ROR2: variants seen among roughly 807,000 people sequenced by gnomAD.
ROR2 encodes tyrosine-protein kinase transmembrane receptor ROR2.
ROR2 carries 33 observed loss-of-function variants against 74.9 expected under a neutral mutation model. That is an observed-to-expected ratio of 0.44 (90% CI 0.33 to 0.59). The LOEUF is 0.59. Among genes scored for constraint, ROR2 ranks in the 20% least tolerant of loss-of-function variants. ROR2 has a pLI of 0.02. For missense variants in ROR2, 1,216 were observed against 1,313.8 expected, an observed-to-expected ratio of 0.93 and a Z score of 1.15; for synonymous variants, 586 against 558.7, an observed-to-expected ratio of 1.05 and a Z score of -0.69.
At chr9:91,745,850 G>A (rs767482179) in intron 4 of ROR2, among the ~76,000 whole-genome samples, 1 of 152,056 alleles carries the variant, frequency 6.6e-6, no homozygotes, top group African/African-American at 2.4e-5. Flanking sequence ...TTCCGGTTCT[G>A]TACTATGGGA....
intron 1 of ROR2, among the ~76,000 whole-genome samples, chr9:91,808,830 A>T (rs1033930465): frequency 1.1e-4 from 17 of 151,108 alleles, no homozygotes; most frequent in African/African-American, 2.9e-4. Flanking sequence ...AAATATAAAA[A>T]ATATATACTA....
chr9:91,899,931 CACCAGGAA>C (rs1445737192), intron 1 of ROR2, among the ~76,000 whole-genome samples: 13 of 152,142 alleles, frequency 8.5e-5, no homozygotes, highest in African/African-American at 3.1e-4. Context: ...CACATACATC[CACCAGGAA>C]ACTAGGAATA....
intron 2 of ROR2, among the ~76,000 whole-genome samples, chr9:91,762,370 G>A (rs1445001774): frequency 6.6e-6 from 1 of 151,750 alleles, no homozygotes; most frequent in East Asian, 1.9e-4. Flanking sequence ...TTTCCACATA[G>A]ATACCATCTT....
chr9:91,747,530 C>T (rs796304307), intron 4 of ROR2, among the ~76,000 whole-genome samples: 6 of 152,360 alleles, frequency 3.9e-5, no homozygotes, highest in African/African-American at 1.2e-4. Flanking sequence ...CGCTGTTCAA[C>T]TCTCCATTTA....
Position 91,757,626 on chromosome 9 carries a change from G to C in ROR2, c.176-67C>G. The C allele has an allele frequency of 1.9e-6, 3 of 1,556,220 alleles. No individual in the cohort carries two copies. In the South Asian group the frequency reaches 3.5e-5, roughly 18 times the overall value. On this transcript the variant is annotated intron_variant, in intron 2 of 8. Transcript: ENST00000375708. ...GGCTGGAAGGAAGGGCTACCTGGGG[G>C]CTCTGCTATGAACTCTTCCAAGGGA...
chr9:91,848,388 T>A (rs1357273371), intron 1 of ROR2, among the ~76,000 whole-genome samples: 2 of 152,226 alleles, frequency 1.3e-5, no homozygotes, highest in African/African-American at 4.8e-5. Flanking sequence ...GGGCATCAGA[T>A]GATGGACGTA....
chr9:91,724,912 G>A lies in ROR2; in HGVS notation c.1582C>T (p.Arg528Ter), dbSNP rs1448877786. The A allele has an allele frequency of 1.2e-6, 2 of 1,609,080 alleles. No individual in the cohort carries two copies. Among genetic ancestry groups the A allele is most frequent in the Non-Finnish European group, 8.5e-7 (1 of 1,176,280 alleles). ...REEFRHEAML[R>*]ARLQHPNVVC... ...ACGTTGGGGTGTTGCAGCCGTGCTC[G>A]CAGCATAGCCTCATGCCGGAACTCC... Residue 528 changes from arginine (R) to a stop codon, truncating the protein, a stop_gained, in exon 9 of 9, where the codon CGA becomes TGA. Coordinates refer to ENST00000375708, the MANE Select transcript of ROR2 (RefSeq NM_004560.4). LOFTEE classifies it high-confidence loss of function.
Position 91,724,452 on chromosome 9 carries a change from A to C in ROR2, c.2042T>G (p.Val681Gly). ...IDSDIWSYGV[V>G]LWEVFSYGLQ... ...GCCGTAGCTGAAGACCTCCCACAGG[A>C]CCACACCGTAGGACCAGATGTCTGA... The change falls in exon 9 of 9, where the codon GTC becomes GGC. Residue 681 changes from valine (V) to glycine (G), a missense_variant. Coordinates refer to ENST00000375708, the MANE Select transcript of ROR2 (RefSeq NM_004560.4). 1 of 1,614,174 alleles carries C rather than the reference A, an allele frequency of 6.2e-7. No homozygotes were observed. Among genetic ancestry groups the C allele is most frequent in the Non-Finnish European group, 8.5e-7 (1 of 1,180,010 alleles).
intron 2 of ROR2, among the ~76,000 whole-genome samples, chr9:91,765,077 GCTTT>G (rs1027584810): frequency 1.3e-5 from 2 of 152,100 alleles, no homozygotes; most frequent in Non-Finnish European, 2.9e-5. Context: ...GAAGATTTGT[GCTTT>G]CTGTCAATTC....
At chr9:91,747,720 GA>G (rs1825469181) in intron 4 of ROR2, among the ~76,000 whole-genome samples, 1 of 151,954 alleles carries the variant, frequency 6.6e-6, no homozygotes, top group African/African-American at 2.4e-5. Context: ...TTAAGGTCCA[GA>G]GATATCGTAA....
chr9:91,947,515 T>G (rs1832040885), intron 1 of ROR2, among the ~76,000 whole-genome samples: 1 of 152,238 alleles, frequency 6.6e-6, no homozygotes, highest in Admixed American at 6.5e-5. Flanking sequence ...TTCCATTTAT[T>G]TTCTTCTAGA....
intron 1 of ROR2, among the ~76,000 whole-genome samples, chr9:91,847,502 C>A (rs901053304): frequency 6.6e-6 from 1 of 152,206 alleles, no homozygotes; most frequent in Non-Finnish European, 1.5e-5. Flanking sequence ...GCAGTCCCCC[C>A]ACTTCCCACA....
intron 1 of ROR2, among the ~76,000 whole-genome samples, chr9:91,919,782 C>G (rs1282131694): frequency 6.6e-6 from 1 of 152,142 alleles, no homozygotes; most frequent in Non-Finnish European, 1.5e-5. Flanking sequence ...CCAGCCTGGC[C>G]GATCTCACAC....
chr9:91,809,002 CA>C (rs59202463), intron 1 of ROR2, among the ~76,000 whole-genome samples: 18,964 of 138,702 alleles, frequency 0.14, 2,152 homozygotes, highest in East Asian at 0.32. Flanking sequence ...GACTCCATCT[CA>C]AAAAAAAAAA....
chr9:91,929,047 T>C (rs959656135), intron 1 of ROR2, among the ~76,000 whole-genome samples: 1 of 152,254 alleles, frequency 6.6e-6, no homozygotes, highest in Non-Finnish European at 1.5e-5. Flanking sequence ...CAAGGAAGCA[T>C]GGGCACTGTG....
intron 1 of ROR2, among the ~76,000 whole-genome samples, chr9:91,868,181 A>G (rs750198874): frequency 6.6e-6 from 1 of 152,172 alleles, no homozygotes; most frequent in Non-Finnish European, 1.5e-5. Flanking sequence ...GAAAATATAA[A>G]AAAGAGAAAA....
intron 1 of ROR2, among the ~76,000 whole-genome samples, chr9:91,862,676 A>G (rs937548079): frequency 2.0e-5 from 3 of 152,160 alleles, no homozygotes; most frequent in African/African-American, 7.2e-5. Context: ...AACAAAAAAA[A>G]AGAAGAGAAA....
chr9:91,860,399 G>C (rs1459389205), intron 1 of ROR2, among the ~76,000 whole-genome samples: 1 of 152,186 alleles, frequency 6.6e-6, no homozygotes, highest in Non-Finnish European at 1.5e-5. Flanking sequence ...GTCCATCTTT[G>C]AGCAAGCACA....
intron 1 of ROR2, among the ~76,000 whole-genome samples, chr9:91,863,964 G>C (rs983826583): frequency 2.8e-4 from 42 of 152,180 alleles, no homozygotes; most frequent in Admixed American, 2.7e-3. Context: ...AATGGGAAGG[G>C]AAGGGGAACA....
Sources: gnomAD v4.1 joint callset for allele counts (sites outside exome capture counted in the v4.1 genomes callset) on GRCh38, gnomAD v4.1.1 for gene constraint, MANE v1.5 for transcripts, NCBI Gene and HGNC (gene_info 2026-07-23, HGNC 2026-07-21) for gene names.